Variants in DLG4 observed in about 807,000 individuals in gnomAD.
The protein encoded by DLG4 is discs large MAGUK scaffold protein 4, also known as disks large homolog 4.
DLG4 carries 7 observed loss-of-function variants against 93.8 expected under a neutral mutation model. The observed-to-expected ratio is 0.07, with a 90% CI of 0.04 to 0.14. DLG4 has a LOEUF of 0.14. DLG4 is among the 10% of genes least tolerant of loss of function. The pLI is 1.00. For synonymous variants in DLG4, 341 were observed against 387.6 expected, an observed-to-expected ratio of 0.88 and a Z score of 1.41; for missense variants, 545 against 992.9, an observed-to-expected ratio of 0.55 and a Z score of 6.06.
At chr17:7,204,152 C>T (rs374940705) in intron 3 of DLG4, 47 bp downstream of exon 3, 12 of 1,602,588 alleles carry the variant, frequency 7.5e-6, no homozygotes, top group Non-Finnish European at 9.4e-6. Context: ...CCCTTACTCC[C>T]TCCTTCCTTC....
At chr17:7,213,863 G>A (rs538943306) in intron 1 of DLG4, 1 of 471,016 alleles carries the variant, frequency 2.1e-6, no homozygotes, top group South Asian at 1.5e-5. Context: ...GACCCCCAAT[G>A]TCCTAGTTTC....
Position 7,217,328 on chromosome 17 carries a change from G to T in DLG4, c.-181C>A. On this transcript the variant is annotated 5_prime_UTR_variant, in exon 1 of 20. Coordinates refer to ENST00000399506, the MANE Select transcript of DLG4 (RefSeq NM_001321075.3). The stretch of plus-strand genomic sequence containing the variant: ...GGAGAAGGGAAGGGGAGGGGAGCGT[G>T]GGAGGGAGGGGAAGGGGGCCCTAAA... 1.2e-6 allele frequency: 1 copy of T among 855,440 alleles called. No individual in the cohort carries two copies. Among genetic ancestry groups the T allele is most frequent in the Non-Finnish European group, 1.6e-6 (1 of 636,332 alleles). 53.0% of individuals were successfully genotyped at this position (855,440 alleles called of 1,614,324 possible). A position where few individuals can be genotyped will look rare whatever the true frequency, so the allele number is the denominator to read the frequency against.
In DLG4 at chr17:7,204,047, G is replaced by C. The variant is rs575303983; in HGVS notation, c.171C>G (p.Thr57=). The C allele has an allele frequency of 6.9e-5, 111 of 1,609,658 alleles. No individual in the cohort carries two copies. The South Asian group carries it at 1.2e-3, about 17-fold the overall frequency. Reference sequence around the variant, plus strand: ...TTTCCTCGTATTCCATCTCCCCCTCGGTCCCGTTCACCTGCAACTCCAGCA... The same window carrying C: ...TTTCCTCGTATTCCATCTCCCCCTCCGTCCCGTTCACCTGCAACTCCAGCA... ...APGYELQVNG[T]EGEMEYEEIT... Residue 57 remains threonine (T), a synonymous_variant, in exon 4 of 20, where the codon ACC becomes ACG. Transcript: ENST00000399506.
intron 1 of DLG4, among the ~76,000 whole-genome samples, chr17:7,212,558 A>G (rs1357848890): frequency 1.3e-5 from 2 of 152,168 alleles, no homozygotes; most frequent in Non-Finnish European, 2.9e-5. Context: ...CCAGTCTCCA[A>G]ATCCACACCA....
In DLG4 at chr17:7,191,345, G is replaced by A; in HGVS notation, c.1990C>T (p.Arg664Trp). 1 of 1,613,782 alleles carries A rather than the reference G, an allele frequency of 6.2e-7. No individual in the cohort carries two copies. Among genetic ancestry groups the A allele is most frequent in the Non-Finnish European group, 8.5e-7 (1 of 1,179,788 alleles). Reference protein sequence around the residue: ...SLENVLEINKRITEEQARKAF... With the variant: ...SLENVLEINKWITEEQARKAF... ...TTGCGGGCTTGCTCCTCTGTGATCC[G>A]CTTGTTAATCTCTCTGTGAAGAGGG... is the stretch of plus-strand genomic sequence containing the variant. Residue 664 changes from arginine to tryptophan, a missense_variant, in exon 19 of 20, where the codon CGG (arginine) becomes TGG (tryptophan). Physicochemically the swap from Arg to Trp is moderately radical, Grantham distance 101 (BLOSUM62 -3). Transcript: ENST00000399506. The surrounding 1 kb of genome is among the most constrained non-coding windows in gnomAD (Gnocchi z 6.6).
At position 7,195,633 on chromosome 17, in the gene DLG4, C is replaced by T. The variant is rs997742774; in HGVS notation, c.1301+587G>A. 2.0e-5 allele frequency among the ~76,000 whole-genome samples: 3 copies of T among 152,126 alleles called. No homozygotes were observed. Among genetic ancestry groups the T allele is most frequent in the Non-Finnish European group, 2.9e-5 (2 of 68,018 alleles). On this transcript the variant is annotated intron_variant, in intron 11 of 19. Coordinates refer to ENST00000399506, the MANE Select transcript of DLG4 (RefSeq NM_001321075.3). This position sits in a 1 kb window ranked among gnomAD's most constrained non-coding sequence, Gnocchi z 4.3. ...ATAGGTCAGCCAGGGCCAGCACCTC[C>T]GAGAGACATCTGCAGAGCGCAGCGG...
intron 8 of DLG4, among the ~76,000 whole-genome samples, chr17:7,202,214 G>A (rs957844718): frequency 1.3e-5 from 2 of 152,112 alleles, no homozygotes; most frequent in East Asian, 3.9e-4. Context: ...GTAGCAAGGA[G>A]TATAGGCACG....
rs1355268997 is a variant in DLG4 at position 7,193,300 on chromosome 17, C to T, written c.1693+183G>A. On this transcript the variant is annotated intron_variant, in intron 16 of 19. Coordinates refer to ENST00000399506, the MANE Select transcript of DLG4 (RefSeq NM_001321075.3). The surrounding 1 kb of genome is among the most constrained non-coding windows in gnomAD (Gnocchi z 6.7). ...CTAGCACCCTCCAGGGCCTCCAAGT[C>T]TCTGGCCTGGGCATGGGTACTATGG... is the stretch of plus-strand genomic sequence containing the variant. Among the ~76,000 whole-genome samples, 1 of 152,162 alleles carries T rather than the reference C, an allele frequency of 6.6e-6. No individual in the cohort carries two copies. Among genetic ancestry groups the T allele is most frequent in the Non-Finnish European group, 1.5e-5 (1 of 68,028 alleles).
In DLG4 at chr17:7,204,266, C is replaced by G. The variant is rs1567542662; in HGVS notation, c.97-14G>C. The G allele has an allele frequency of 6.4e-7, 1 of 1,574,066 alleles. No individual in the cohort carries two copies. The highest frequency in any genetic ancestry group is 8.6e-7 in the Non-Finnish European group (1 of 1,159,334). On this transcript the variant is annotated splice_polypyrimidine_tract_variant and intron_variant, in intron 2 of 19. Transcript: ENST00000399506. ...GGGAGAATTGGCCTGTTTGGGAAAA[C>G]AAGAGACAAAAAGCAGCCTGAGCCT...
In DLG4 at chr17:7,194,492, G is replaced by A. The variant is rs200879867; in HGVS notation, c.1305C>T (p.Ala435=). 26 of 1,601,982 alleles carry A rather than the reference G, an allele frequency of 1.6e-5. No homozygotes were observed. Among genetic ancestry groups the A allele is most frequent in the Non-Finnish European group, 2.0e-5 (23 of 1,174,510 alleles). The part of the protein sequence containing the change: ...SNPKRGFYIR[A]LFDYDKTKDC... Reference sequence around the variant, plus strand: ...CCTTGGTCTTGTCGTAATCAAACAGGGCCCTGGAGGGCAAGTGGCTATCGG... The same window carrying A: ...CCTTGGTCTTGTCGTAATCAAACAGAGCCCTGGAGGGCAAGTGGCTATCGG... Residue 435 remains alanine, a synonymous_variant, in exon 12 of 20, where the codon GCC becomes GCT. Transcript: ENST00000399506. The surrounding 1 kb of genome is among the most constrained non-coding windows in gnomAD (Gnocchi z 4.4).
chr17:7,211,634 C>A lies in DLG4; in HGVS notation c.31-3395G>T. The A allele has an allele frequency of 3.1e-6, 3 of 973,188 alleles. No individual in the cohort carries two copies. In the South Asian group the frequency reaches 1.4e-4, roughly 46 times the overall value. 60.3% of individuals were successfully genotyped at this position (973,188 alleles called of 1,614,324 possible). On this transcript the variant is annotated intron_variant, in intron 1 of 19. Coordinates refer to ENST00000399506, the MANE Select transcript of DLG4 (RefSeq NM_001321075.3). ...GGGGGTCCGGGAAGGGGGAGCGGGC[C>A]GGAGCCCATACCGCGGCACGTACCA... is the stretch of plus-strand genomic sequence containing the variant.
In DLG4 at chr17:7,198,138, G is replaced by A. The variant is rs1402313116; in HGVS notation, c.788-1086C>T. Among the ~76,000 whole-genome samples the A allele has an allele frequency of 3.2e-4, 49 of 152,088 alleles. 1 individual carries two copies. The highest frequency in any genetic ancestry group is 3.1e-3 in the Admixed American group (48 of 15,258). On this transcript the variant is annotated intron_variant, in intron 8 of 19. Coordinates refer to ENST00000399506, the MANE Select transcript of DLG4 (RefSeq NM_001321075.3). ...CCGCCTGGTTCTGATAAGTATCAAGGACTGCAAAATGGTGGTGATTGTCAT... is the reference window on the plus strand; with the variant it reads ...CCGCCTGGTTCTGATAAGTATCAAGAACTGCAAAATGGTGGTGATTGTCAT...
Position 7,188,866 on chromosome 17 carries a change from C to G in DLG4, c.*1842G>C, listed in dbSNP as rs771110658. ...GTGGCTCATGCCTGTAATCTTAACA[C>G]TGTGGGAGGCCAAGCTGGGCGGATC... On this transcript the variant is annotated 3_prime_UTR_variant, in exon 20 of 20. Coordinates refer to ENST00000399506, the MANE Select transcript of DLG4 (RefSeq NM_001321075.3). 2.0e-5 allele frequency among the ~76,000 whole-genome samples: 3 copies of G among 152,170 alleles called. No individual in the cohort carries two copies. The highest frequency in any genetic ancestry group is 7.2e-5 in the African/African-American group (3 of 41,450).
chr17:7,218,644 T>C (rs1218597928), upstream of DLG4: 12 of 1,558,066 alleles, frequency 7.7e-6, no homozygotes, highest in African/African-American at 1.4e-5. Context: ...TGGGAGCTAG[T>C]GAGATGCAAG....
Position 7,194,319 on chromosome 17 carries a change from C to T in DLG4, c.1478G>A (p.Arg493Gln). Reference protein sequence around the residue: ...DDIGFIPSKRRVERREWSRLK... With the variant: ...DDIGFIPSKRQVERREWSRLK... ...AGGCTACAGAGCCCAGGAGCCTCACCGCCGTTTGCTGGGGATGAACCCAAT... is the reference window on the plus strand; with the variant it reads ...AGGCTACAGAGCCCAGGAGCCTCACTGCCGTTTGCTGGGGATGAACCCAAT... Residue 493 changes from arginine (R) to glutamine (Q), a missense_variant and splice_region_variant, in exon 12 of 20, where the codon CGG becomes CAG. Physicochemically the swap from Arg to Gln is conservative, Grantham distance 43. Coordinates refer to ENST00000399506, the MANE Select transcript of DLG4 (RefSeq NM_001321075.3). The surrounding 1 kb of genome is among the most constrained non-coding windows in gnomAD (Gnocchi z 4.4). The T allele has an allele frequency of 1.2e-6, 2 of 1,603,298 alleles. No individual in the cohort carries two copies. The highest frequency in any genetic ancestry group is 8.5e-7 in the Non-Finnish European group (1 of 1,175,444).
chr17:7,196,464 G>T lies in DLG4; in HGVS notation c.1186+9C>A, dbSNP rs1225842903. ...CAGCTCACAAGACAAGGAACTTCCGGCCTGGTACCTTCTGGTTTATACTGA... is the reference window on the plus strand; with the variant it reads ...CAGCTCACAAGACAAGGAACTTCCGTCCTGGTACCTTCTGGTTTATACTGA... On this transcript the variant is annotated intron_variant, in intron 10 of 19. Coordinates refer to ENST00000399506, the MANE Select transcript of DLG4 (RefSeq NM_001321075.3). The surrounding 1 kb of genome is among the most constrained non-coding windows in gnomAD (Gnocchi z 8.3). The T allele has an allele frequency of 6.2e-7, 1 of 1,613,814 alleles. No individual in the cohort carries two copies. Among genetic ancestry groups the T allele is most frequent in the Non-Finnish European group, 8.5e-7 (1 of 1,179,692 alleles).
rs370774685 is a variant in DLG4, at chr17:7,189,131, T to TG, written c.*1576dup. Among the ~76,000 whole-genome samples the TG allele has an allele frequency of 0.044, 4,631 of 104,208 alleles. 198 individuals are homozygous for TG. Among genetic ancestry groups the TG allele is most frequent in the African/African-American group, 0.13 (3,652 of 28,042 alleles). The allele number at this position is 104,208 out of a possible 152,430, so 68.4% of individuals were successfully genotyped here. A position where few individuals can be genotyped will look rare whatever the true frequency, so the allele number is the denominator to read the frequency against. On this transcript the variant is annotated 3_prime_UTR_variant, in exon 20 of 20. Transcript: ENST00000399506. Reference sequence around the variant, plus strand: ...TGTCTCAAAAAAAAAAAAAAAAGGGTGGGGGGGGCGCATAAAGAAACCTAG... The same window carrying TG: ...TGTCTCAAAAAAAAAAAAAAAAGGGTGGGGGGGGGCGCATAAAGAAACCTAG...
chr17:7,197,949 G>A lies in DLG4; in HGVS notation c.788-897C>T, dbSNP rs117612895. Among the ~76,000 whole-genome samples the A allele has an allele frequency of 1.8e-4, 27 of 152,176 alleles. No individual in the cohort carries two copies. The East Asian group carries it at 4.6e-3, about 26-fold the overall frequency. ...TTTAGTAACTCCTGTATACTTCATA[G>A]GTAGCGCTACGTTCTTCCTACAGCA... On this transcript the variant is annotated intron_variant, in intron 8 of 19. Coordinates refer to ENST00000399506, the MANE Select transcript of DLG4 (RefSeq NM_001321075.3).
upstream of DLG4, chr17:7,218,274 C>T: frequency 1.2e-6 from 2 of 1,609,254 alleles, no homozygotes; most frequent in East Asian, 2.2e-5. Flanking sequence ...CATAATAGTC[C>T]AGGATGTCTG....
Sources: allele counts gnomAD v4.1 joint callset (sites outside exome capture counted in the v4.1 genomes callset), GRCh38; gene constraint gnomAD v4.1.1; non-coding constraint Gnocchi (gnomAD v3.1); transcripts MANE v1.5; gene names NCBI Gene and HGNC (gene_info 2026-07-23, HGNC 2026-07-21).